NRXN1: variants seen among roughly 807,000 people sequenced by gnomAD.
NRXN1 encodes neurexin-1.
In NRXN1, 39 loss-of-function variants were observed where a neutral mutation model predicts 150.9. The observed-to-expected ratio is 0.26, with a 90% CI of 0.20 to 0.34. The LOEUF is 0.34. NRXN1 is among the 10% of genes least tolerant of loss of function. The probability of loss-of-function intolerance (pLI) is 1.00; values close to 1 mark genes in which losing one functional copy is unlikely to be tolerated. For missense variants in NRXN1, 1,815 were observed against 1,949.9 expected, an observed-to-expected ratio of 0.93 and a Z score of 1.30; for synonymous variants, 924 against 757.0, an observed-to-expected ratio of 1.22 and a Z score of -3.62.
intron 5 of NRXN1, among the ~76,000 whole-genome samples, chr2:50,701,963 C>T (rs555401763): frequency 1.3e-5 from 2 of 152,130 alleles, no homozygotes; most frequent in East Asian, 3.9e-4. Flanking sequence ...GATAAATATT[C>T]AATTTAGAAT....
intron 5 of NRXN1, chr2:50,739,230 G>C (rs575793833): frequency 1.2e-4 from 59 of 498,738 alleles, no homozygotes; most frequent in African/African-American, 8.5e-4. Context: ...AAGGGCACTG[G>C]GTTCATTGAG....
At chr2:50,640,153 C>T (rs1390038943) in intron 5 of NRXN1, among the ~76,000 whole-genome samples, 2 of 152,016 alleles carry the variant, frequency 1.3e-5, no homozygotes, top group Non-Finnish European at 2.9e-5. Context: ...ATGCCTTGGC[C>T]CCAGACCCCA....
chr2:49,989,971 C>T (rs1022399471), intron 21 of NRXN1, among the ~76,000 whole-genome samples: 11 of 151,950 alleles, frequency 7.2e-5, no homozygotes, highest in African/African-American at 2.4e-4. Flanking sequence ...AATGGGTGAA[C>T]AATATCATCT....
chr2:50,879,238 G>T lies in NRXN1; in HGVS notation c.832+42631C>A, dbSNP rs543480130. Among the ~76,000 whole-genome samples the T allele has an allele frequency of 7.2e-5, 11 of 151,954 alleles. No homozygotes were observed. The South Asian group carries it at 2.3e-3, about 31-fold the overall frequency. On this transcript the variant is annotated intron_variant, in intron 5 of 22. Transcript: ENST00000401669. ...GTTTCCAGCTTTCTAAGTAAAGACT[G>T]CAACTAACCCTTACCTGAATCTCCA... is the stretch of plus-strand genomic sequence containing the variant.
intron 17 of NRXN1, among the ~76,000 whole-genome samples, chr2:50,419,127 G>T (rs1345965870): frequency 6.6e-6 from 1 of 152,006 alleles, no homozygotes; most frequent in African/African-American, 2.4e-5. Context: ...TTTTAAATCA[G>T]ATGTTCCCAT....
At chr2:50,910,441 G>C (rs2104087138) in intron 5 of NRXN1, among the ~76,000 whole-genome samples, 1 of 152,054 alleles carries the variant, frequency 6.6e-6, no homozygotes, top group African/African-American at 2.4e-5. Context: ...AAAGAGGCCA[G>C]ATAACTTTCC....
At chr2:50,600,195 A>G (rs1676011384) in intron 8 of NRXN1, among the ~76,000 whole-genome samples, 1 of 152,076 alleles carries the variant, frequency 6.6e-6, no homozygotes. Flanking sequence ...TCTTAATTAG[A>G]GTTCTATGAC....
intron 5 of NRXN1, among the ~76,000 whole-genome samples, chr2:50,910,084 T>A (rs1378094230): frequency 6.6e-6 from 1 of 151,744 alleles, no homozygotes; most frequent in Non-Finnish European, 1.5e-5. Flanking sequence ...ATCACAAAAA[T>A]ATTTTGCAAT....
intron 5 of NRXN1, among the ~76,000 whole-genome samples, chr2:50,803,165 C>T (rs140530545): frequency 1.4e-4 from 21 of 152,260 alleles, no homozygotes; most frequent in African/African-American, 5.1e-4. Flanking sequence ...CTGCCTAGCA[C>T]TCATTTCTGC....
intron 17 of NRXN1, among the ~76,000 whole-genome samples, chr2:50,344,274 C>T (rs2077764266): frequency 6.6e-6 from 1 of 152,104 alleles, no homozygotes; most frequent in Admixed American, 6.5e-5. Context: ...TGATTGTTCT[C>T]TATAAAGTTA....
At chr2:49,983,177 C>T (rs1219692936) in intron 21 of NRXN1, among the ~76,000 whole-genome samples, 9 of 152,084 alleles carry the variant, frequency 5.9e-5, no homozygotes, top group Admixed American at 1.3e-4. Context: ...ATTCAAATAG[C>T]TCTGTGTTTG....
At chr2:50,112,184 G>C (rs1702461477) in intron 18 of NRXN1, among the ~76,000 whole-genome samples, 1 of 152,094 alleles carries the variant, frequency 6.6e-6, no homozygotes, top group African/African-American at 2.4e-5. Flanking sequence ...ACCCCCTCCA[G>C]ATCTCCCATC....
At chr2:50,570,435 C>G (rs1055896120) in intron 8 of NRXN1, among the ~76,000 whole-genome samples, 10 of 152,066 alleles carry the variant, frequency 6.6e-5, no homozygotes, top group African/African-American at 2.4e-4. Flanking sequence ...TTATAAGTAT[C>G]GTAAATCCAA....
At chr2:50,764,169 T>C (rs559143561) in intron 5 of NRXN1, among the ~76,000 whole-genome samples, 29 of 151,994 alleles carry the variant, frequency 1.9e-4, no homozygotes, top group Non-Finnish European at 3.4e-4. Context: ...CCCCTCTCTA[T>C]CATATATACT....
intron 5 of NRXN1, among the ~76,000 whole-genome samples, chr2:50,904,756 C>T (rs542180511): frequency 6.6e-6 from 1 of 152,126 alleles, no homozygotes; most frequent in East Asian, 1.9e-4. Flanking sequence ...TTCATATTCC[C>T]TTTTCATTAT....
At chr2:50,202,335 T>C (rs947161423) in intron 18 of NRXN1, among the ~76,000 whole-genome samples, 1 of 152,068 alleles carries the variant, frequency 6.6e-6, no homozygotes, top group Non-Finnish European at 1.5e-5. Context: ...TGAAACCCCG[T>C]CTCTACTAAA....
rs139688568 is a variant in NRXN1 at position 50,310,450 on chromosome 2, T to G, written c.3365-73480A>C. Among the ~76,000 whole-genome samples the G allele has an allele frequency of 3.3e-3, 508 of 152,330 alleles. 3 individuals carry two copies. Among genetic ancestry groups the G allele is most frequent in the African/African-American group, 0.012 (491 of 41,588 alleles). The stretch of plus-strand genomic sequence containing the variant: ...TTGTGCCCAGGGCTGCTCAATTTGA[T>G]TACTGCATCCCCTACTTTGTGAAGT... On this transcript the variant is annotated intron_variant, in intron 17 of 22. Transcript: ENST00000401669.
At chr2:50,841,255 C>A (rs1390917564) in intron 5 of NRXN1, 1 of 152,564 alleles carries the variant, frequency 6.6e-6, no homozygotes, top group Non-Finnish European at 1.5e-5. Context: ...TATCTCCATA[C>A]ATCAGTATAT....
At chr2:50,710,559 G>C (rs903360894) in intron 5 of NRXN1, among the ~76,000 whole-genome samples, 1 of 152,048 alleles carries the variant, frequency 6.6e-6, no homozygotes, top group African/African-American at 2.4e-5. Context: ...TTTTGGACTA[G>C]GTTCAGGCAT....
Sources: gnomAD v4.1 joint callset for allele counts (sites outside exome capture counted in the v4.1 genomes callset) on GRCh38, gnomAD v4.1.1 for gene constraint, MANE v1.5 for transcripts, NCBI Gene and HGNC (gene_info 2026-07-23, HGNC 2026-07-21) for gene names.